LNX1: variants seen among roughly 807,000 people sequenced by gnomAD.
The protein encoded by LNX1 is E3 ubiquitin-protein ligase LNX.
Under a neutral mutation model 68.4 loss-of-function variants are expected in LNX1, and 54 were observed. The ratio of observed to expected loss-of-function variants is 0.79; its 90% CI spans 0.63 to 0.99. LNX1 has a LOEUF of 0.99. Ranked by LOEUF, LNX1 falls within the 50% of genes least tolerant of loss-of-function variation. The pLI is 0.00. For synonymous variants in LNX1, 336 were observed against 350.0 expected (o/e 0.96, Z 0.45); for missense variants, 906 against 926.4 (o/e 0.98, Z 0.29).
intron 9 of LNX1, among the ~76,000 whole-genome samples, chr4:53,471,069 C>CCT (rs1560613313): frequency 2.8e-5 from 2 of 72,710 alleles, no homozygotes; most frequent in African/African-American, 4.9e-5. Flanking sequence ...CTGGAGGCAT[C>CCT]GCACTACCTG....
At chr4:53,502,481 G>T (rs1182129158) in intron 4 of LNX1, among the ~76,000 whole-genome samples, 2 of 152,162 alleles carry the variant, frequency 1.3e-5, no homozygotes, top group South Asian at 2.1e-4. Flanking sequence ...GCTGTTTAAC[G>T]ATCATCTGAG....
chr4:53,568,495 T>C (rs889131803), intron 2 of LNX1, among the ~76,000 whole-genome samples: 1 of 151,800 alleles, frequency 6.6e-6, no homozygotes, highest in African/African-American at 2.4e-5. Flanking sequence ...TGGGACATAT[T>C]TCAAAATAAT....
At chr4:53,518,832 A>C (rs1240262166) in intron 2 of LNX1, among the ~76,000 whole-genome samples, 1 of 152,176 alleles carries the variant, frequency 6.6e-6, no homozygotes. Context: ...AAAAGCATGG[A>C]AAATTAGAAG....
At chr4:53,594,660 C>G (rs1732671461), upstream of LNX1, among the ~76,000 whole-genome samples, 1 of 151,976 alleles carries the variant, frequency 6.6e-6, no homozygotes, top group South Asian at 2.1e-4. Context: ...GGTTTTACCC[C>G]CCAAGATCAA....
At chr4:53,634,871 T>G (rs1393471860) in intron 1 of LNX1, among the ~76,000 whole-genome samples, 2 of 151,942 alleles carry the variant, frequency 1.3e-5, no homozygotes, top group African/African-American at 4.8e-5. Flanking sequence ...AGGGTCTCAC[T>G]CTGTCACCCA....
At chr4:53,483,022 A>T (rs1294492203) in intron 6 of LNX1, among the ~76,000 whole-genome samples, 1 of 152,148 alleles carries the variant, frequency 6.6e-6, no homozygotes, top group African/African-American at 2.4e-5. Context: ...CACATCATCG[A>T]TATGGTTTGA....
At chr4:53,557,792 A>G in intron 2 of LNX1, 1 of 1,502,894 alleles carries the variant, frequency 6.7e-7, no homozygotes, top group African/African-American at 1.5e-5. Flanking sequence ...AAATGGATAT[A>G]TCAGCTAGGG....
chr4:53,478,660 G>A lies in LNX1; in HGVS notation c.1568C>T (p.Ala523Val). The A allele has an allele frequency of 2.5e-6, 4 of 1,614,048 alleles. No homozygotes were observed. The highest frequency in any genetic ancestry group is 3.4e-6 in the Non-Finnish European group (4 of 1,179,976). ...DPGESLGMTV[A>V]GGASHREWDL... ...CCATTCTCTATGTGATGCTCCCCCTGCGACGGTCATGCCGAGAGATTCACC... is the reference window on the plus strand; with the variant it reads ...CCATTCTCTATGTGATGCTCCCCCTACGACGGTCATGCCGAGAGATTCACC... Residue 523 changes from alanine (A) to valine (V), a missense_variant, in exon 8 of 11, where the codon GCA (alanine) becomes GTA (valine). Coordinates refer to ENST00000263925, the MANE Select transcript of LNX1 (RefSeq NM_001126328.3).
At chr4:53,577,708 C>T (rs1365176161) in intron 1 of LNX1, among the ~76,000 whole-genome samples, 1 of 152,118 alleles carries the variant, frequency 6.6e-6, no homozygotes, top group African/African-American at 2.4e-5. Flanking sequence ...AGCCACCACA[C>T]CCCGCCTGCC....
chr4:53,601,574 G>A (rs1174408576), intron 2 of LNX1, among the ~76,000 whole-genome samples: 1 of 152,214 alleles, frequency 6.6e-6, no homozygotes, highest in Non-Finnish European at 1.5e-5. Context: ...AACTGCGTGA[G>A]CCTGGTAGCA....
intron 5 of LNX1, among the ~76,000 whole-genome samples, chr4:53,498,140 C>A (rs1291047005): frequency 6.6e-6 from 1 of 152,074 alleles, no homozygotes; most frequent in Non-Finnish European, 1.5e-5. Flanking sequence ...ATAGAGATTA[C>A]TTTTATTTTC....
chr4:53,464,613 T>C (rs551911724), intron 9 of LNX1, among the ~76,000 whole-genome samples: 7 of 151,740 alleles, frequency 4.6e-5, no homozygotes, highest in South Asian at 2.1e-4. Flanking sequence ...ATGCATACTT[T>C]GAACAAACAG....
chr4:53,581,333 T>A (rs1731824001), intron 1 of LNX1, among the ~76,000 whole-genome samples: 2 of 152,326 alleles, frequency 1.3e-5, no homozygotes, highest in African/African-American at 4.8e-5. Flanking sequence ...TCAATTTAAG[T>A]TTAAATATTT....
intron 2 of LNX1, among the ~76,000 whole-genome samples, chr4:53,573,215 T>C (rs999630147): frequency 2.0e-5 from 3 of 152,140 alleles, no homozygotes; most frequent in African/African-American, 7.2e-5. Context: ...AAAAGTGGAA[T>C]GGTGGCTGCC....
chr4:53,504,187 C>T (rs1203171728), intron 4 of LNX1, among the ~76,000 whole-genome samples: 1 of 152,238 alleles, frequency 6.6e-6, no homozygotes, highest in Non-Finnish European at 1.5e-5. Flanking sequence ...ATGATTTTAG[C>T]AAGATCTTCT....
chr4:53,621,627 T>C (rs1733883573), upstream of LNX1, among the ~76,000 whole-genome samples: 1 of 152,188 alleles, frequency 6.6e-6, no homozygotes, highest in African/African-American at 2.4e-5. Flanking sequence ...TCTGGTTTGC[T>C]AGAGTTAGAC....
rs530828165 is a variant in LNX1 at position 53,460,584 on chromosome 4, A to C, written c.*323T>G. 4 of 251,780 alleles carry C rather than the reference A, an allele frequency of 1.6e-5. No individual in the cohort carries two copies. The highest frequency in any genetic ancestry group is 2.3e-5 in the Non-Finnish European group (3 of 132,354). The allele number at this position is 251,780 out of a possible 1,614,324, so 15.6% of individuals were successfully genotyped here. On this transcript the variant is annotated 3_prime_UTR_variant, in exon 11 of 11. Coordinates refer to ENST00000263925, the MANE Select transcript of LNX1 (RefSeq NM_001126328.3). ...CCTTGGCAGACTTCAGCATATACCAAATTTTAAATTTAAATCAGCTTGAAT... is the reference window on the plus strand; with the variant it reads ...CCTTGGCAGACTTCAGCATATACCACATTTTAAATTTAAATCAGCTTGAAT...
intron 1 of LNX1, among the ~76,000 whole-genome samples, chr4:53,583,165 T>C (rs1301110229): frequency 1.3e-5 from 2 of 152,208 alleles, no homozygotes; most frequent in African/African-American, 4.8e-5. Flanking sequence ...GGCAATTTTA[T>C]AAAGGCCAAT....
intron 2 of LNX1, among the ~76,000 whole-genome samples, chr4:53,525,830 G>C (rs1560645876): frequency 6.6e-6 from 1 of 152,144 alleles, no homozygotes; most frequent in Non-Finnish European, 1.5e-5. Context: ...GCTGTGTTGG[G>C]GTTGGTGTGG....
Sources: allele counts gnomAD v4.1 joint callset (sites outside exome capture counted in the v4.1 genomes callset), GRCh38; gene constraint gnomAD v4.1.1; transcripts MANE v1.5; gene names NCBI Gene and HGNC (gene_info 2026-07-23, HGNC 2026-07-21).